Variants in IQGAP2 observed in about 807,000 individuals in gnomAD.
The protein encoded by IQGAP2 is ras GTPase-activating-like protein IQGAP2.
In IQGAP2, 173 loss-of-function variants were observed where a neutral mutation model predicts 201.3. The ratio of observed to expected loss-of-function variants is 0.86; its 90% CI spans 0.76 to 0.98. The LOEUF is 0.98. Among genes scored for constraint, IQGAP2 ranks in the 50% least tolerant of loss-of-function variants. IQGAP2 has a pLI of 0.00. For synonymous variants in IQGAP2, 675 were observed against 673.9 expected, an observed-to-expected ratio of 1.00 and a Z score of -0.03; for missense variants, 1,687 against 1,864.8, an observed-to-expected ratio of 0.90 and a Z score of 1.76.
chr5:76,438,862 C>G (rs4566772), intron 1 of IQGAP2, among the ~76,000 whole-genome samples: 14,427 of 152,062 alleles, frequency 0.095, 1,777 homozygotes, highest in African/African-American at 0.29. Context: ...GTTTCACTGA[C>G]GTTTTGTATT....
rs369302838 is a variant in IQGAP2 at position 76,461,621 on chromosome 5, G to T, written c.98G>T (p.Arg33Leu). ...GCAGAGGAGATGGATGAGAGGAGGC[G>T]GCAGAACATTGCTTATGAATATCTG... ...LSAEEMDERR[R>L]QNIAYEYLCH... The change falls in exon 2 of 36, where the codon CGG becomes CTG. Residue 33 changes from arginine (R) to leucine (L), a missense_variant. Transcript: ENST00000274364. The T allele has an allele frequency of 3.1e-6, 5 of 1,613,952 alleles. No individual in the cohort carries two copies. Among genetic ancestry groups the T allele is most frequent in the Non-Finnish European group, 4.2e-6 (5 of 1,179,896 alleles).
At chr5:76,488,482 C>A (rs1408158274) in intron 2 of IQGAP2, among the ~76,000 whole-genome samples, 1 of 151,970 alleles carries the variant, frequency 6.6e-6, no homozygotes, top group East Asian at 1.9e-4. Flanking sequence ...AAGTTCCCTG[C>A]GAAAGATTCT....
intron 5 of IQGAP2, among the ~76,000 whole-genome samples, chr5:76,581,775 G>A (rs1469424040): frequency 2.0e-5 from 3 of 152,158 alleles, no homozygotes; most frequent in Non-Finnish European, 4.4e-5. Flanking sequence ...ATAGAACCCT[G>A]GATTTTGATA....
chr5:76,454,182 C>G (rs35160086), intron 1 of IQGAP2, among the ~76,000 whole-genome samples: 33,107 of 152,020 alleles, frequency 0.22, 3,922 homozygotes, highest in Middle Eastern at 0.33. Context: ...TAGATACACC[C>G]CACCCACAAA....
At chr5:76,545,805 G>T (rs1743058213) in intron 2 of IQGAP2, among the ~76,000 whole-genome samples, 1 of 152,072 alleles carries the variant, frequency 6.6e-6, no homozygotes, top group African/African-American at 2.4e-5. Flanking sequence ...ATGTACTTTT[G>T]TGTTACTGTT....
intron 2 of IQGAP2, among the ~76,000 whole-genome samples, chr5:76,492,346 G>A (rs1053594590): frequency 6.6e-6 from 1 of 152,210 alleles, no homozygotes; most frequent in African/African-American, 2.4e-5. Context: ...GGAAGGCAGA[G>A]TGGGAGCAAG....
intron 1 of IQGAP2, among the ~76,000 whole-genome samples, chr5:76,415,337 G>A (rs1561354390): frequency 6.6e-6 from 1 of 152,240 alleles, no homozygotes; most frequent in East Asian, 1.9e-4. Flanking sequence ...ATTCTGTGTA[G>A]GTAATGAGAT....
At chr5:76,487,436 C>G (rs61428971) in intron 2 of IQGAP2, among the ~76,000 whole-genome samples, 1 of 152,084 alleles carries the variant, frequency 6.6e-6, no homozygotes, top group Non-Finnish European at 1.5e-5. Flanking sequence ...GATGTGGATG[C>G]GGATCTTACA....
Position 76,677,356 on chromosome 5 carries a change from T to A in IQGAP2, c.3660+6T>A. ...AAATCATCAGCACACACTCAGTAAG[T>A]GGGGATGGGGAGCCATCTTAGCAAT... On this transcript the variant is annotated splice_donor_region_variant and intron_variant, in intron 28 of 35. Coordinates refer to ENST00000274364, the MANE Select transcript of IQGAP2 (RefSeq NM_006633.5). The A allele has an allele frequency of 6.2e-7, 1 of 1,612,568 alleles. No individual in the cohort carries two copies. The highest frequency in any genetic ancestry group is 8.5e-7 in the Non-Finnish European group (1 of 1,179,484).
At chr5:76,595,891 A>G (rs1372588875) in intron 9 of IQGAP2, among the ~76,000 whole-genome samples, 1 of 152,224 alleles carries the variant, frequency 6.6e-6, no homozygotes, top group Non-Finnish European at 1.5e-5. Context: ...GCAAGATCCT[A>G]CCTAGAGTAA....
chr5:76,617,513 T>C (rs1002234443), intron 13 of IQGAP2: 8 of 1,219,802 alleles, frequency 6.6e-6, no homozygotes, highest in Non-Finnish European at 8.1e-6. Flanking sequence ...CTCCTTGCAC[T>C]ATGCTTATGT....
At chr5:76,640,418 T>C (rs1401443061) in intron 16 of IQGAP2, among the ~76,000 whole-genome samples, 3 of 152,192 alleles carry the variant, frequency 2.0e-5, no homozygotes, top group Admixed American at 1.3e-4. Flanking sequence ...ATAGCACTTA[T>C]CTTGCCTCTC....
At chr5:76,408,669 G>A (rs1445825877) in intron 1 of IQGAP2, among the ~76,000 whole-genome samples, 1 of 152,136 alleles carries the variant, frequency 6.6e-6, no homozygotes, top group African/African-American at 2.4e-5. Context: ...GCTGAGGCAG[G>A]AGGATCAAGA....
In IQGAP2 at chr5:76,658,759, GA is replaced by G. The variant is rs530976015; in HGVS notation, c.2529+95del. On this transcript the variant is annotated intron_variant, in intron 21 of 35. Transcript: ENST00000274364. ...ACTTAATGACAGGGATACATTCTCA[GA>G]AATGTAGCATTAGGTGATTTCATCC... 5.0e-4 allele frequency: 526 copies of G among 1,057,730 alleles called. 3 individuals are homozygous for G. The African/African-American group carries it at 7.7e-3, about 15-fold the overall frequency. The allele number at this position is 1,057,730 out of a possible 1,614,324, so 65.5% of individuals were successfully genotyped here. A position where few individuals can be genotyped will look rare whatever the true frequency, so the allele number is the denominator to read the frequency against.
intron 1 of IQGAP2, among the ~76,000 whole-genome samples, chr5:76,452,474 A>G (rs754919600): frequency 1.3e-5 from 2 of 152,124 alleles, no homozygotes; most frequent in Admixed American, 6.6e-5. Flanking sequence ...TAATTTGTCA[A>G]TATTGAATAT....
chr5:76,458,672 A>G (rs1457044600), intron 1 of IQGAP2, among the ~76,000 whole-genome samples: 3 of 152,168 alleles, frequency 2.0e-5, no homozygotes, highest in Non-Finnish European at 4.4e-5. Context: ...CACATTTTTT[A>G]TACTTATTAC....
At position 76,480,249 on chromosome 5, in the gene IQGAP2, T is replaced by C. The variant is rs184947662; in HGVS notation, c.146+18580T>C. On this transcript the variant is annotated intron_variant, in intron 2 of 35. Coordinates refer to ENST00000274364, the MANE Select transcript of IQGAP2 (RefSeq NM_006633.5). ...TGTCCTCTGAGGGATAAGGCACATA[T>C]TTCACATACCCTCTGTTCTGGATGG... 8.3e-3 allele frequency among the ~76,000 whole-genome samples: 1,262 copies of C among 152,202 alleles called. 14 individuals carry two copies. Among genetic ancestry groups the C allele is most frequent in the Non-Finnish European group, 0.011 (760 of 68,012 alleles).
intron 1 of IQGAP2, among the ~76,000 whole-genome samples, chr5:76,455,126 C>T (rs1287019452): frequency 6.6e-6 from 1 of 152,012 alleles, no homozygotes; most frequent in African/African-American, 2.4e-5. Flanking sequence ...GAAAGACATC[C>T]TGGGTTTGGA....
intron 8 of IQGAP2, among the ~76,000 whole-genome samples, 194 bp downstream of exon 8, chr5:76,590,780 A>G (rs986965971): frequency 2.6e-5 from 4 of 152,186 alleles, no homozygotes; most frequent in African/African-American, 9.6e-5. Context: ...ATATCCCTAT[A>G]TAAGGCATAA....
Sources: gnomAD v4.1 joint callset for allele counts (sites outside exome capture counted in the v4.1 genomes callset) on GRCh38, gnomAD v4.1.1 for gene constraint, MANE v1.5 for transcripts, NCBI Gene and HGNC (gene_info 2026-07-23, HGNC 2026-07-21) for gene names.